CDH8: variants seen among roughly 807,000 people sequenced by gnomAD.
The protein encoded by CDH8 is cadherin 8, also known as cadherin-8.
A neutral mutation model predicts 68.1 loss-of-function variants in CDH8; 17 were observed. That is an observed-to-expected ratio of 0.25 (90% CI 0.17 to 0.37). The LOEUF (loss-of-function observed/expected upper bound fraction) is 0.37, where lower values mean the gene tolerates loss of function less well. Ranked by LOEUF, CDH8 falls within the 10% of genes least tolerant of loss-of-function variation. The pLI, the probability that CDH8 is intolerant of heterozygous loss-of-function variation, is 1.00. For missense variants in CDH8, 763 were observed against 999.3 expected, an observed-to-expected ratio of 0.76 and a Z score of 3.19; for synonymous variants, 372 against 365.1, an observed-to-expected ratio of 1.02 and a Z score of -0.21.
intron 2 of CDH8, among the ~76,000 whole-genome samples, chr16:61,989,536 G>A (rs886855783): frequency 1.3e-5 from 2 of 152,166 alleles, no homozygotes; most frequent in African/African-American, 2.4e-5. Flanking sequence ...CAGTGCCAAG[G>A]GCTCCATCTC....
rs368028246 is a variant in CDH8 at position 61,875,433 on chromosome 16, G to A, written c.548-18195C>T. 6.6e-5 allele frequency among the ~76,000 whole-genome samples: 10 copies of A among 152,200 alleles called. No homozygotes were observed. In the East Asian group the frequency reaches 1.4e-3, roughly 21 times the overall value. ...GAAGCTACACTTTAACTGATCCTCC[G>A]TGTAATTCAGACATACACTCAAGTT... On this transcript the variant is annotated intron_variant, in intron 3 of 11. Transcript: ENST00000577390.
At chr16:61,923,861 A>G (rs1190257102) in intron 2 of CDH8, among the ~76,000 whole-genome samples, 1 of 147,640 alleles carries the variant, frequency 6.8e-6, no homozygotes, top group East Asian at 1.9e-4. Flanking sequence ...ATTTAAATAT[A>G]TTATATATTT....
At chr16:61,715,960 A>C (rs1016954012) in intron 9 of CDH8, among the ~76,000 whole-genome samples, 3 of 151,694 alleles carry the variant, frequency 2.0e-5, no homozygotes, top group African/African-American at 7.3e-5. Flanking sequence ...GCAATTATAA[A>C]GAAGACAGGG....
intron 3 of CDH8, among the ~76,000 whole-genome samples, chr16:61,874,769 G>A (rs1963431515): frequency 1.3e-5 from 2 of 152,090 alleles, no homozygotes; most frequent in African/African-American, 4.8e-5. Context: ...TTTTTTACCT[G>A]TGAGGCAACT....
At chr16:61,770,529 T>C (rs1960750733) in intron 8 of CDH8, among the ~76,000 whole-genome samples, 1 of 151,920 alleles carries the variant, frequency 6.6e-6, no homozygotes, top group Non-Finnish European at 1.5e-5. Flanking sequence ...AAGTCTATCA[T>C]AACCATAGCT....
chr16:62,012,022 A>C (rs1221293259), intron 2 of CDH8, among the ~76,000 whole-genome samples: 1 of 152,220 alleles, frequency 6.6e-6, no homozygotes, highest in Non-Finnish European at 1.5e-5. Flanking sequence ...GTGTATGTGC[A>C]TGCAGGTGGG....
At chr16:61,807,501 AAAAC>A (rs142220039) in intron 7 of CDH8, among the ~76,000 whole-genome samples, 7,026 of 152,162 alleles carry the variant, frequency 0.046, 179 homozygotes, top group Middle Eastern at 0.075. Flanking sequence ...ACAAAAAACA[AAAAC>A]AAACAAACAA....
At chr16:61,704,027 C>G (rs1389001648) in intron 10 of CDH8, among the ~76,000 whole-genome samples, 1 of 152,098 alleles carries the variant, frequency 6.6e-6, no homozygotes, top group African/African-American at 2.4e-5. Context: ...GAGAATCAAG[C>G]AAGGTCTTAT....
chr16:61,953,801 C>T lies in CDH8; in HGVS notation c.253-52328G>A, dbSNP rs538420019. 3.3e-4 allele frequency among the ~76,000 whole-genome samples: 50 copies of T among 149,492 alleles called. No homozygotes were observed. In the East Asian group the frequency reaches 8.7e-3, roughly 26 times the overall value. The stretch of plus-strand genomic sequence containing the variant: ...GGAGAATCGCTTGAGCCCAAGTGGT[C>T]GAGGCTGCAGTGAACTGGGATTGTG... On this transcript the variant is annotated intron_variant, in intron 2 of 11. Coordinates refer to ENST00000577390, the MANE Select transcript of CDH8 (RefSeq NM_001796.5).
At chr16:61,896,891 A>G (rs62051993) in intron 3 of CDH8, among the ~76,000 whole-genome samples, 23,561 of 151,964 alleles carry the variant, frequency 0.16, 1,971 homozygotes, top group Middle Eastern at 0.24. Context: ...AAAAGTTATT[A>G]TCCTTGCTTT....
chr16:61,758,799 G>A (rs187576320), intron 8 of CDH8, among the ~76,000 whole-genome samples: 1 of 152,140 alleles, frequency 6.6e-6, no homozygotes, highest in Admixed American at 6.5e-5. Flanking sequence ...TACATAATGG[G>A]GCTATATGAT....
Position 61,910,310 on chromosome 16 carries a change from G to T in CDH8, c.253-8837C>A, listed in dbSNP as rs1382539373. Among the ~76,000 whole-genome samples, 4 of 145,196 alleles carry T rather than the reference G, an allele frequency of 2.8e-5. No individual in the cohort carries two copies. In the East Asian group the frequency reaches 8.1e-4, roughly 29 times the overall value. ...CTCTTTTTCTTTGCATTCTGTGTTGGAAACTCCAATATTTAACCAAGCAGC... is the reference window on the plus strand; with the variant it reads ...CTCTTTTTCTTTGCATTCTGTGTTGTAAACTCCAATATTTAACCAAGCAGC... On this transcript the variant is annotated intron_variant, in intron 2 of 11. Coordinates refer to ENST00000577390, the MANE Select transcript of CDH8 (RefSeq NM_001796.5).
intron 3 of CDH8, among the ~76,000 whole-genome samples, chr16:61,894,020 T>C (rs1963827097): frequency 6.6e-6 from 1 of 152,122 alleles, no homozygotes; most frequent in Non-Finnish European, 1.5e-5. Context: ...AGGAATAAGA[T>C]ACTTACATAG....
At chr16:62,012,053 T>C (rs1416987800) in intron 2 of CDH8, among the ~76,000 whole-genome samples, 1 of 152,214 alleles carries the variant, frequency 6.6e-6, no homozygotes, top group Non-Finnish European at 1.5e-5. Context: ...TTAATTATAA[T>C]GGAAATGATA....
intron 3 of CDH8, among the ~76,000 whole-genome samples, chr16:61,895,428 G>T (rs571212918): frequency 6.6e-6 from 1 of 151,880 alleles, no homozygotes; most frequent in African/African-American, 2.4e-5. Context: ...AACTAATATC[G>T]GTACTAACAT....
intron 2 of CDH8, among the ~76,000 whole-genome samples, chr16:61,994,735 C>A (rs1166843063): frequency 1.6e-5 from 2 of 123,406 alleles, no homozygotes; most frequent in Non-Finnish European, 3.3e-5. Flanking sequence ...TGAAGTCAGG[C>A]CCACTGTACC....
chr16:61,881,112 C>T (rs888187525), intron 3 of CDH8, among the ~76,000 whole-genome samples: 2 of 152,016 alleles, frequency 1.3e-5, no homozygotes, highest in Non-Finnish European at 2.9e-5. Flanking sequence ...TGATTGCAGC[C>T]CATGAGAGGC....
chr16:61,994,537 A>G (rs1965778771), intron 2 of CDH8, among the ~76,000 whole-genome samples: 1 of 152,196 alleles, frequency 6.6e-6, no homozygotes, highest in Admixed American at 6.5e-5. Context: ...GAATGTAAAA[A>G]GCTTTATGAC....
intron 3 of CDH8, among the ~76,000 whole-genome samples, chr16:61,861,246 C>T (rs1963144338): frequency 6.6e-6 from 1 of 152,110 alleles, no homozygotes; most frequent in African/African-American, 2.4e-5. Flanking sequence ...TAGTGTGCAC[C>T]AAACTTTTTA....
Sources: gnomAD v4.1 joint callset for allele counts (sites outside exome capture counted in the v4.1 genomes callset) on GRCh38, gnomAD v4.1.1 for gene constraint, MANE v1.5 for transcripts, NCBI Gene and HGNC (gene_info 2026-07-23, HGNC 2026-07-21) for gene names.